Variants in TPH2 observed in about 807,000 individuals in gnomAD.
TPH2 encodes tryptophan hydroxylase 2, also known as tryptophan 5-hydroxylase 2.
TPH2 carries 27 observed loss-of-function variants against 59.1 expected under a neutral mutation model. The ratio of observed to expected loss-of-function variants is 0.46; its 90% CI spans 0.34 to 0.63. TPH2 has a LOEUF of 0.63. TPH2 is among the 30% of genes least tolerant of loss of function. The pLI is 0.01. For synonymous variants in TPH2, 220 were observed against 210.5 expected (o/e 1.05, Z -0.39); for missense variants, 523 against 588.3 (o/e 0.89, Z 1.15).
At chr12:71,987,154 G>A (rs1167996409) in intron 7 of TPH2, among the ~76,000 whole-genome samples, 2 of 152,256 alleles carry the variant, frequency 1.3e-5, no homozygotes, top group Non-Finnish European at 1.5e-5. Context: ...TTTCCCTAAG[G>A]TTACACAACT....
At chr12:72,015,708 T>G (rs1302450702) in intron 8 of TPH2, among the ~76,000 whole-genome samples, 3 of 152,142 alleles carry the variant, frequency 2.0e-5, no homozygotes, top group Non-Finnish European at 4.4e-5. Context: ...AGATTTATCT[T>G]TTTGTTATGA....
chr12:72,028,897 T>A (rs937717106), intron 9 of TPH2, among the ~76,000 whole-genome samples: 2 of 152,248 alleles, frequency 1.3e-5, no homozygotes, highest in Admixed American at 6.5e-5. Flanking sequence ...AAATTACATG[T>A]GTGTGAACCC....
intron 9 of TPH2, 81 bp downstream of exon 9, chr12:72,022,575 A>T: frequency 9.3e-7 from 1 of 1,076,888 alleles, no homozygotes; most frequent in Non-Finnish European, 1.4e-6. Flanking sequence ...TTGTCTGAGC[A>T]TTTCTACTCA....
At chr12:71,961,453 A>G in intron 5 of TPH2, 1 of 1,071,576 alleles carries the variant, frequency 9.3e-7, no homozygotes, top group Non-Finnish European at 1.2e-6. Flanking sequence ...TGAAAAAGAT[A>G]GGGCCTAGTA....
chr12:71,986,403 T>C (rs1474224177), intron 7 of TPH2, among the ~76,000 whole-genome samples: 1 of 152,172 alleles, frequency 6.6e-6, no homozygotes, highest in Non-Finnish European at 1.5e-5. Flanking sequence ...TTTTGTGAAG[T>C]GCCTAAAGCA....
chr12:72,002,759 T>C (rs1872859303), intron 8 of TPH2, among the ~76,000 whole-genome samples: 1 of 148,020 alleles, frequency 6.8e-6, no homozygotes, highest in Admixed American at 6.7e-5. Flanking sequence ...TTATTTTACT[T>C]TTTTTTTTTT....
intron 9 of TPH2, among the ~76,000 whole-genome samples, chr12:72,023,147 T>C (rs1487095470): frequency 3.9e-5 from 6 of 152,194 alleles, no homozygotes; most frequent in Admixed American, 3.9e-4. Flanking sequence ...TATTCTGGTC[T>C]TTTAAGAATT....
chr12:71,959,062 A>ATTTTT (rs34121208), intron 5 of TPH2, among the ~76,000 whole-genome samples: 1 of 146,652 alleles, frequency 6.8e-6, no homozygotes, highest in Admixed American at 6.8e-5. Context: ...AGAGAAGGGC[A>ATTTTT]TTTTTTTTTT....
At chr12:72,019,293 A>G (rs761408953) in intron 8 of TPH2, among the ~76,000 whole-genome samples, 3 of 151,762 alleles carry the variant, frequency 2.0e-5, no homozygotes, top group Non-Finnish European at 2.9e-5. Context: ...CCTACAATCT[A>G]TTTTCCATGC....
intron 7 of TPH2, among the ~76,000 whole-genome samples, chr12:71,990,414 G>C (rs1237661851): frequency 6.6e-6 from 1 of 152,190 alleles, no homozygotes; most frequent in Non-Finnish European, 1.5e-5. Flanking sequence ...AGAAGGCTTT[G>C]CAGTTTGCAT....
At chr12:71,961,851 G>C in intron 5 of TPH2, 3 of 1,158,280 alleles carry the variant, frequency 2.6e-6, no homozygotes, top group Non-Finnish European at 3.2e-6. Flanking sequence ...TCTCCCTGAG[G>C]CTCCTTAGGT....
intron 2 of TPH2, among the ~76,000 whole-genome samples, chr12:71,943,959 A>T (rs937698844): frequency 6.6e-6 from 1 of 151,992 alleles, no homozygotes; most frequent in African/African-American, 2.4e-5. Flanking sequence ...ATAATAAATA[A>T]TTTTTTCCCC....
chr12:72,002,979 A>T (rs915953611), intron 8 of TPH2, among the ~76,000 whole-genome samples: 9 of 152,310 alleles, frequency 5.9e-5, no homozygotes, highest in African/African-American at 1.9e-4. Context: ...TCTTAAACTA[A>T]TAATCAACTA....
intron 8 of TPH2, among the ~76,000 whole-genome samples, chr12:72,012,037 T>C (rs975830507): frequency 1.3e-5 from 2 of 152,232 alleles, no homozygotes; most frequent in Non-Finnish European, 2.9e-5. Context: ...AAGGCTGACA[T>C]TGACTCTGTT....
At chr12:72,029,440 G>A (rs1389351890) in intron 9 of TPH2, among the ~76,000 whole-genome samples, 2 of 152,156 alleles carry the variant, frequency 1.3e-5, no homozygotes, top group Non-Finnish European at 2.9e-5. Context: ...AAGCTAATTC[G>A]AATTCTGAAA....
intron 8 of TPH2, among the ~76,000 whole-genome samples, chr12:72,012,144 T>C (rs1199587417): frequency 6.6e-6 from 1 of 151,408 alleles, no homozygotes; most frequent in Middle Eastern, 3.2e-3. Flanking sequence ...ACCTTCCGCA[T>C]GTCAGGCAGG....
intron 4 of TPH2, among the ~76,000 whole-genome samples, chr12:71,945,853 C>A (rs1185197635): frequency 6.6e-6 from 1 of 152,172 alleles, no homozygotes; most frequent in African/African-American, 2.4e-5. Flanking sequence ...AAGCTGAATT[C>A]TCTCAAAGAA....
rs944461378 is a variant in TPH2 at position 72,031,610 on chromosome 12, T to C, written c.1388T>C (p.Ile463Thr). The stretch of plus-strand genomic sequence containing the variant: ...GAAATTCTGAAAGACACCAGAAGTA[T>C]TGAAAATGTGGTGCAGGACCTTCGC... ...SIEILKDTRS[I>T]ENVVQDLRSD... is the part of the protein sequence containing the mutation. Residue 463 changes from isoleucine (I) to threonine (T), a missense_variant, in exon 11 of 11, where the codon ATT (isoleucine) becomes ACT (threonine). By Grantham distance (89) the Ile-to-Thr change is moderately conservative (BLOSUM62 -1). Transcript: ENST00000333850. 5.0e-6 allele frequency: 8 copies of C among 1,613,616 alleles called. No individual in the cohort carries two copies. Among genetic ancestry groups the C allele is most frequent in the Non-Finnish European group, 5.9e-6 (7 of 1,179,614 alleles).
intron 5 of TPH2, among the ~76,000 whole-genome samples, chr12:71,957,327 A>ATTTTTTTTTTTTTT (rs35425528): frequency 2.1e-5 from 2 of 95,596 alleles, no homozygotes; most frequent in East Asian, 3.4e-4. Context: ...TGAGTAAAGG[A>ATTTTTTTTTTTTTT]TTTTTTTTTT....
Sources: gnomAD v4.1 joint callset for allele counts (sites outside exome capture counted in the v4.1 genomes callset) on GRCh38, gnomAD v4.1.1 for gene constraint, MANE v1.5 for transcripts, NCBI Gene and HGNC (gene_info 2026-07-23, HGNC 2026-07-21) for gene names.